SLC25A37: variants seen among roughly 807,000 people sequenced by gnomAD.
SLC25A37 encodes solute carrier family 25 member 37.
A neutral mutation model predicts 31.0 loss-of-function variants in SLC25A37; 17 were observed. The ratio of observed to expected loss-of-function variants is 0.55; its 90% CI spans 0.38 to 0.82. The LOEUF is 0.82. Among genes scored for constraint, SLC25A37 ranks in the 40% least tolerant of loss-of-function variants. SLC25A37 has a pLI of 0.00. For synonymous variants in SLC25A37, 222 were observed against 193.0 expected, an observed-to-expected ratio of 1.15 and a Z score of -1.24; for missense variants, 404 against 465.8, an observed-to-expected ratio of 0.87 and a Z score of 1.22.
rs1486980553 is a variant in SLC25A37 at position 23,574,629 on chromosome 8, A to G, written c.*2774A>G. 1 of 154,876 alleles carries G rather than the reference A, an allele frequency of 6.5e-6. No individual in the cohort carries two copies. The allele number at this position is 154,876 out of a possible 1,614,324, so 9.6% of individuals were successfully genotyped here. On this transcript the variant is annotated 3_prime_UTR_variant, in exon 4 of 4. Coordinates refer to ENST00000519973, the MANE Select transcript of SLC25A37 (RefSeq NM_016612.4). ...GAAAGTTGTGAAGCACTGAGCAGAT[A>G]CAAGTGTTTGTTAATTTTGTAGAAA...
rs151171691 is a variant in SLC25A37, at chr8:23,574,013, G to A, written c.*2158G>A. 2.0e-3 allele frequency: 733 copies of A among 357,764 alleles called. 4 individuals carry two copies. The highest frequency in any genetic ancestry group is 0.013 in the African/African-American group (603 of 47,050). The allele number at this position is 357,764 out of a possible 1,614,324, so 22.2% of individuals were successfully genotyped here. A position where few individuals can be genotyped will look rare whatever the true frequency, so the allele number is the denominator to read the frequency against. ...TCTAAATTTCAAAGTAGAATTTAAAGCAAATTTGTAAAAAAATTATCCTAC... is the reference window on the plus strand; with the variant it reads ...TCTAAATTTCAAAGTAGAATTTAAAACAAATTTGTAAAAAAATTATCCTAC... On this transcript the variant is annotated 3_prime_UTR_variant, in exon 4 of 4. Coordinates refer to ENST00000519973, the MANE Select transcript of SLC25A37 (RefSeq NM_016612.4).
At chr8:23,564,393 A>C (rs572810059) in intron 1 of SLC25A37, among the ~76,000 whole-genome samples, 38 of 138,456 alleles carry the variant, frequency 2.7e-4, no homozygotes, top group African/African-American at 9.0e-4. Context: ...GATTTTTTTT[A>C]TGATTTTGTT....
At chr8:23,546,076 A>C (rs886674171) in intron 1 of SLC25A37, among the ~76,000 whole-genome samples, 2 of 151,912 alleles carry the variant, frequency 1.3e-5, no homozygotes, top group Admixed American at 1.3e-4. Context: ...CAGAGGTTGC[A>C]TTGAGCTGAG....
chr8:23,553,727 G>C (rs919801449), intron 1 of SLC25A37, among the ~76,000 whole-genome samples: 13 of 152,238 alleles, frequency 8.5e-5, no homozygotes, highest in African/African-American at 3.1e-4. Context: ...GAGACAGAAT[G>C]GGTTGGTATT....
intron 1 of SLC25A37, among the ~76,000 whole-genome samples, chr8:23,565,889 C>T (rs892060529): frequency 3.9e-5 from 6 of 152,198 alleles, no homozygotes; most frequent in Non-Finnish European, 8.8e-5. Flanking sequence ...TGTCTTTCTC[C>T]CTTTATGGAG....
At position 23,561,089 on chromosome 8, in the gene SLC25A37, A is replaced by G. The variant is rs77193038; in HGVS notation, c.211-5019A>G. ...GTTTTACATAAGATAAAGTAAGCTTATGAAATTAGAGCTGTCTGTTTGGGA... is the reference window on the plus strand; with the variant it reads ...GTTTTACATAAGATAAAGTAAGCTTGTGAAATTAGAGCTGTCTGTTTGGGA... On this transcript the variant is annotated intron_variant, in intron 1 of 3. Coordinates refer to ENST00000519973, the MANE Select transcript of SLC25A37 (RefSeq NM_016612.4). 1.8e-3 allele frequency among the ~76,000 whole-genome samples: 275 copies of G among 152,336 alleles called. 10 individuals carry two copies. In the South Asian group the frequency reaches 0.031, roughly 17 times the overall value.
Position 23,529,575 on chromosome 8 carries a change from C to G in SLC25A37, c.210+363C>G, listed in dbSNP as rs1801622562. Among the ~76,000 whole-genome samples the G allele has an allele frequency of 6.6e-6, 1 of 152,174 alleles. No homozygotes were observed. Among genetic ancestry groups the G allele is most frequent in the South Asian group, 2.1e-4 (1 of 4,834 alleles). On this transcript the variant is annotated intron_variant, in intron 1 of 3. Coordinates refer to ENST00000519973, the MANE Select transcript of SLC25A37 (RefSeq NM_016612.4). The surrounding 1 kb of genome is among the most constrained non-coding windows in gnomAD (Gnocchi z 4.1). ...CTCTGCACAGTCTTACCACGCTGGC[C>G]GTTCGGGCTGGCTGGGGCCGCCCAC...
intron 1 of SLC25A37, among the ~76,000 whole-genome samples, chr8:23,534,943 G>C (rs929479065): frequency 5.3e-5 from 8 of 152,000 alleles, no homozygotes; most frequent in Non-Finnish European, 5.9e-5. Context: ...CACAGATCCC[G>C]TCCTCACCCT....
chr8:23,529,134 C>T lies in SLC25A37; in HGVS notation c.132C>T (p.Ser44=). The T allele has an allele frequency of 6.2e-7, 1 of 1,611,628 alleles. No individual in the cohort carries two copies. Among genetic ancestry groups the T allele is most frequent in the Non-Finnish European group, 8.5e-7 (1 of 1,179,242 alleles). Residue 44 remains serine, a synonymous_variant, in exon 1 of 4, where the codon TCC becomes TCT. Transcript: ENST00000519973. This position sits in a 1 kb window ranked among gnomAD's most constrained non-coding sequence, Gnocchi z 4.1. Reference sequence around the variant, plus strand: ...ACGAGAACCTGCCGACTAGCGCCTCCGTGTCCACCCACATGACAGCAGGAG... The same window carrying T: ...ACGAGAACCTGCCGACTAGCGCCTCTGTGTCCACCCACATGACAGCAGGAG... ...EDYENLPTSA[S]VSTHMTAGAM...
At chr8:23,552,389 G>A (rs1010603579) in intron 1 of SLC25A37, among the ~76,000 whole-genome samples, 1 of 152,184 alleles carries the variant, frequency 6.6e-6, no homozygotes, top group Non-Finnish European at 1.5e-5. Context: ...AGTTCATATA[G>A]CTGAAAAATA....
intron 1 of SLC25A37, among the ~76,000 whole-genome samples, chr8:23,546,582 A>AG (rs56664192): frequency 1.4e-4 from 8 of 56,044 alleles, no homozygotes; most frequent in Admixed American, 6.3e-4. Flanking sequence ...ATATATATAT[A>AG]GTGTATATAT....
intron 1 of SLC25A37, among the ~76,000 whole-genome samples, chr8:23,532,629 A>T (rs901478819): frequency 3.3e-5 from 5 of 152,212 alleles, no homozygotes; most frequent in African/African-American, 1.2e-4. Context: ...ACCCTTTCAC[A>T]ACCCTTCTTT....
rs1481531749 is a variant in SLC25A37, at chr8:23,529,548, A to G, written c.210+336A>G. Among the ~76,000 whole-genome samples, 1 of 152,070 alleles carries G rather than the reference A, an allele frequency of 6.6e-6. No homozygotes were observed. Among genetic ancestry groups the G allele is most frequent in the Non-Finnish European group, 1.5e-5 (1 of 67,986 alleles). On this transcript the variant is annotated intron_variant, in intron 1 of 3. Coordinates refer to ENST00000519973, the MANE Select transcript of SLC25A37 (RefSeq NM_016612.4). The surrounding 1 kb of genome is among the most constrained non-coding windows in gnomAD (Gnocchi z 4.1). Reference sequence around the variant, plus strand: ...GGCTCCCGGGGGACGCGATCGCTGAAGCTCTGCACAGTCTTACCACGCTGG... The same window carrying G: ...GGCTCCCGGGGGACGCGATCGCTGAGGCTCTGCACAGTCTTACCACGCTGG...
At chr8:23,537,288 C>T (rs1241826454) in intron 1 of SLC25A37, among the ~76,000 whole-genome samples, 2 of 151,552 alleles carry the variant, frequency 1.3e-5, no homozygotes, top group East Asian at 3.9e-4. Flanking sequence ...GCAGTTGTTA[C>T]TTCGTAACAC....
chr8:23,566,614 G>T, intron 2 of SLC25A37: 1 of 1,099,954 alleles, frequency 9.1e-7, no homozygotes, highest in East Asian at 5.1e-5. Context: ...GTTTTCTTTT[G>T]TATTTTTTTT....
intron 1 of SLC25A37, among the ~76,000 whole-genome samples, chr8:23,556,937 A>G (rs1585193943): frequency 6.6e-6 from 1 of 151,460 alleles, no homozygotes; most frequent in Admixed American, 6.6e-5. Context: ...TGCAACCTCC[A>G]CCTCCTGAGT....
In SLC25A37 at chr8:23,546,581, TA is replaced by T. The variant is rs1408397391; in HGVS notation, c.210+17370del. On this transcript the variant is annotated intron_variant, in intron 1 of 3. Coordinates refer to ENST00000519973, the MANE Select transcript of SLC25A37 (RefSeq NM_016612.4). ...GTATATATATATATATATATATATATAGTGTATATATATATAGTGTATGTGT... is the reference window on the plus strand; with the variant it reads ...GTATATATATATATATATATATATATGTGTATATATATATAGTGTATGTGT... 5.0e-3 allele frequency among the ~76,000 whole-genome samples: 304 copies of T among 60,752 alleles called. 6 individuals are homozygous for T. Among genetic ancestry groups the T allele is most frequent in the African/African-American group, 0.031 (285 of 9,084 alleles). 39.9% of individuals were successfully genotyped at this position (60,752 alleles called of 152,430 possible). A position where few individuals can be genotyped will look rare whatever the true frequency, so the allele number is the denominator to read the frequency against.
chr8:23,572,243 AAAAAATT>A lies in SLC25A37; in HGVS notation c.*389_*395del, dbSNP rs1802879303. The stretch of plus-strand genomic sequence containing the variant: ...AAAAAAAAAAAAAAAAAAAAAAAAA[AAAAAATT>A]TATGTATATAAAAGTTGCATTACAC... On this transcript the variant is annotated 3_prime_UTR_variant, in exon 4 of 4. Transcript: ENST00000519973. 1.5e-5 allele frequency: 1 copy of A among 67,178 alleles called. No homozygotes were observed. Among genetic ancestry groups the A allele is most frequent in the African/African-American group, 4.1e-5 (1 of 24,108 alleles). The allele number at this position is 67,178 out of a possible 1,614,324, so 4.2% of individuals were successfully genotyped here.
rs1802886159 is a variant in SLC25A37 at position 23,572,412 on chromosome 8, T to TG, written c.*557_*558insG. 1 of 152,602 alleles carries TG rather than the reference T, an allele frequency of 6.6e-6. No homozygotes were observed. The highest frequency in any genetic ancestry group is 1.9e-4 in the East Asian group (1 of 5,194). 9.5% of individuals were successfully genotyped at this position (152,602 alleles called of 1,614,324 possible). ...GCTGTTTTTGTTGTTGTTATGTTTT[T>TG]AAGAGGGTTGAATTCTTCCATCAGG... On this transcript the variant is annotated 3_prime_UTR_variant, in exon 4 of 4. Coordinates refer to ENST00000519973, the MANE Select transcript of SLC25A37 (RefSeq NM_016612.4).
Sources: allele counts gnomAD v4.1 joint callset (sites outside exome capture counted in the v4.1 genomes callset), GRCh38; gene constraint gnomAD v4.1.1; non-coding constraint Gnocchi (gnomAD v3.1); transcripts MANE v1.5; gene names NCBI Gene and HGNC (gene_info 2026-07-23, HGNC 2026-07-21).